Variants in AIM2 observed in about 807,000 individuals in gnomAD.
AIM2 encodes interferon-inducible protein AIM2.
In AIM2, 30 loss-of-function variants were observed where a neutral mutation model predicts 27.7. The ratio of observed to expected loss-of-function variants is 1.08; its 90% CI spans 0.81 to 1.47. The LOEUF is 1.47. AIM2 is among the 40% of genes most tolerant of loss of function. The pLI is 0.00. For synonymous variants in AIM2, 141 were observed against 145.3 expected (o/e 0.97, Z 0.21); for missense variants, 358 against 411.3 (o/e 0.87, Z 1.12).
intron 1 of AIM2, chr1:159,122,382 C>G (rs972391555): frequency 6.6e-6 from 1 of 152,078 alleles, no homozygotes; most frequent in Non-Finnish European, 1.5e-5. Context: ...AGTAAGCTGA[C>G]AAGAAAAAGC....
At chr1:159,064,736 A>G (rs750211035) in intron 4 of AIM2, among the ~76,000 whole-genome samples, 15 of 152,222 alleles carry the variant, frequency 9.9e-5, no homozygotes, top group Non-Finnish European at 2.1e-4. Context: ...AAGTGCTAGG[A>G]TTACAGGCAT....
At chr1:159,078,758 C>G (rs1286593190), upstream of AIM2, among the ~76,000 whole-genome samples, 1 of 152,200 alleles carries the variant, frequency 6.6e-6, no homozygotes, top group Non-Finnish European at 1.5e-5. Context: ...TGTTAACAGT[C>G]TCACGGAGAA....
At chr1:159,058,014 T>C (rs1347950005), downstream of AIM2, among the ~76,000 whole-genome samples, 1 of 152,198 alleles carries the variant, frequency 6.6e-6, no homozygotes, top group Non-Finnish European at 1.5e-5. Flanking sequence ...GATTCTCTTC[T>C]CTTAAGGTCC....
rs910065835 is a variant in AIM2, at chr1:159,062,528, G to T, written c.*164C>A. On this transcript the variant is annotated 3_prime_UTR_variant, in exon 6 of 6. Coordinates refer to ENST00000368130, the MANE Select transcript of AIM2 (RefSeq NM_004833.3). ...TATTGTGATCATCTGTTGATATTCT[G>T]AATTTGTTTATCCAGCAATTATTCT... 7.9e-6 allele frequency: 5 copies of T among 635,950 alleles called. No individual in the cohort carries two copies. The highest frequency in any genetic ancestry group is 2.0e-5 in the South Asian group (1 of 50,754). 39.4% of individuals were successfully genotyped at this position (635,950 alleles called of 1,614,324 possible).
chr1:159,076,960 GCCTAGAAA>G (rs1204020443), upstream of AIM2: 1 of 152,142 alleles, frequency 6.6e-6, no homozygotes, highest in East Asian at 1.9e-4. Context: ...ACAGAAAGTG[GCCTAGAAA>G]CTGTAAAAAA....
intron 1 of AIM2, among the ~76,000 whole-genome samples, chr1:159,136,610 A>T (rs908348216): frequency 2.0e-5 from 3 of 152,152 alleles, no homozygotes; most frequent in African/African-American, 7.2e-5. Context: ...CAATATTACC[A>T]CCATGGAAGC....
At chr1:159,118,973 C>T (rs1230856002) in intron 1 of AIM2, among the ~76,000 whole-genome samples, 2 of 152,040 alleles carry the variant, frequency 1.3e-5, no homozygotes, top group South Asian at 2.1e-4. Context: ...TGTGATTTGG[C>T]TGAGGCCCAG....
upstream of AIM2, among the ~76,000 whole-genome samples, chr1:159,141,291 A>C (rs1648105353): frequency 6.6e-6 from 1 of 152,192 alleles, no homozygotes; most frequent in Non-Finnish European, 1.5e-5. Flanking sequence ...AGGGAATCAG[A>C]GTGGTTCCAA....
chr1:159,063,769 G>C (rs1480799425), intron 4 of AIM2, 95 bp from the exon 5 acceptor site: 6 of 1,258,570 alleles, frequency 4.8e-6, no homozygotes, highest in Non-Finnish European at 6.7e-6. Context: ...GCTCTAAAAA[G>C]AAATCAGTTG....
At chr1:159,067,289 GTTTT>G (rs1316964271) in intron 3 of AIM2, among the ~76,000 whole-genome samples, 1 of 152,048 alleles carries the variant, frequency 6.6e-6, no homozygotes, top group Non-Finnish European at 1.5e-5. Flanking sequence ...TCTTCTCTGT[GTTTT>G]TTATTTTTCT....
intron 2 of AIM2, among the ~76,000 whole-genome samples, chr1:159,070,702 T>C (rs1470544033): frequency 6.6e-6 from 1 of 152,222 alleles, no homozygotes; most frequent in African/African-American, 2.4e-5. Flanking sequence ...ACTCTGTCAT[T>C]ACCTTTCAAA....
chr1:159,092,098 C>T (rs1657059618), intron 1 of AIM2, among the ~76,000 whole-genome samples: 5 of 152,248 alleles, frequency 3.3e-5, no homozygotes, highest in Admixed American at 2.6e-4. Context: ...GCAATTATAA[C>T]CTAACAATTC....
chr1:159,096,426 A>C (rs1439883241), intron 1 of AIM2, among the ~76,000 whole-genome samples: 1 of 152,162 alleles, frequency 6.6e-6, no homozygotes, highest in Non-Finnish European at 1.5e-5. Flanking sequence ...GTCTGAGCTT[A>C]ATAAATGTTG....
At chr1:159,071,366 T>G (rs1300064795) in intron 2 of AIM2, among the ~76,000 whole-genome samples, 1 of 152,196 alleles carries the variant, frequency 6.6e-6, no homozygotes, top group African/African-American at 2.4e-5. Context: ...AAAACTGTTT[T>G]CCTAAAATAA....
downstream of AIM2, among the ~76,000 whole-genome samples, chr1:159,061,558 ATTT>A (rs945588968): frequency 4.2e-4 from 35 of 83,110 alleles, no homozygotes; most frequent in Middle Eastern, 6.4e-3. Flanking sequence ...GTGCCCGGCT[ATTT>A]TTTTTTTTTT....
At chr1:159,092,760 A>G (rs2102010209) in intron 1 of AIM2, among the ~76,000 whole-genome samples, 1 of 152,314 alleles carries the variant, frequency 6.6e-6, no homozygotes, top group Non-Finnish European at 1.5e-5. Context: ...ACACTGGCTC[A>G]CGCCTGTAAT....
chr1:159,111,601 C>G (rs931927323), intron 1 of AIM2, among the ~76,000 whole-genome samples: 1 of 151,552 alleles, frequency 6.6e-6, no homozygotes, highest in African/African-American at 2.4e-5. Context: ...AAACAAAAAT[C>G]AAAGAAAATA....
intron 1 of AIM2, among the ~76,000 whole-genome samples, chr1:159,086,495 G>T (rs1033182934): frequency 6.6e-6 from 1 of 152,090 alleles, no homozygotes; most frequent in Non-Finnish European, 1.5e-5. Flanking sequence ...CACATACCTC[G>T]CCCTCTACTT....
At chr1:159,141,780 G>C (rs1420611859), upstream of AIM2, among the ~76,000 whole-genome samples, 1 of 152,022 alleles carries the variant, frequency 6.6e-6, no homozygotes, top group Non-Finnish European at 1.5e-5. Flanking sequence ...AGCGGTGGGG[G>C]GGGACAGGGA....
Sources: gnomAD v4.1 joint callset for allele counts (sites outside exome capture counted in the v4.1 genomes callset) on GRCh38, gnomAD v4.1.1 for gene constraint, MANE v1.5 for transcripts, NCBI Gene and HGNC (gene_info 2026-07-23, HGNC 2026-07-21) for gene names.